Variants in CMIP observed in about 807,000 individuals in gnomAD.
The protein encoded by CMIP is c-Maf inducing protein.
In CMIP, 13 loss-of-function variants were observed where a neutral mutation model predicts 97.3. The observed-to-expected ratio is 0.13, with a 90% CI of 0.09 to 0.21. The LOEUF (loss-of-function observed/expected upper bound fraction) is 0.21. CMIP is among the 10% of genes least tolerant of loss of function. CMIP has a pLI of 1.00. For synonymous variants in CMIP, 538 were observed against 436.3 expected, an observed-to-expected ratio of 1.23 and a Z score of -2.91; for missense variants, 847 against 1,024.9, an observed-to-expected ratio of 0.83 and a Z score of 2.37.
At chr16:81,629,555 T>G (rs2092125617) in intron 3 of CMIP, among the ~76,000 whole-genome samples, 1 of 152,152 alleles carries the variant, frequency 6.6e-6, no homozygotes, top group Non-Finnish European at 1.5e-5. Context: ...CCTTCCTCCC[T>G]CTCTGTCTCC....
chr16:81,674,172 C>T (rs886609378), intron 9 of CMIP, among the ~76,000 whole-genome samples: 2 of 152,242 alleles, frequency 1.3e-5, no homozygotes, highest in African/African-American at 4.8e-5. Context: ...GAAGGAAGTG[C>T]AGGGACTCCA....
At chr16:81,473,264 G>T (rs763193327) in intron 1 of CMIP, among the ~76,000 whole-genome samples, 4 of 152,180 alleles carry the variant, frequency 2.6e-5, no homozygotes, top group Admixed American at 1.3e-4. Context: ...CGTGTTTGCC[G>T]TGGGGGGCAT....
At chr16:81,633,681 G>A (rs1055582124) in intron 3 of CMIP, among the ~76,000 whole-genome samples, 4 of 152,228 alleles carry the variant, frequency 2.6e-5, no homozygotes, top group Non-Finnish European at 5.9e-5. Flanking sequence ...CCCTTTCAGA[G>A]AAACTGAGGC....
intron 1 of CMIP, among the ~76,000 whole-genome samples, chr16:81,463,740 C>G (rs1360094945): frequency 6.6e-6 from 1 of 152,240 alleles, no homozygotes; most frequent in Non-Finnish European, 1.5e-5. Context: ...CCCTTGGCCT[C>G]CAGGGTCACA....
chr16:81,524,879 C>T (rs1207617643), intron 1 of CMIP, among the ~76,000 whole-genome samples: 2 of 151,712 alleles, frequency 1.3e-5, no homozygotes, highest in South Asian at 2.1e-4. Flanking sequence ...CTGCAACCTC[C>T]ACCTCCCAGG....
In CMIP at chr16:81,621,133, C is replaced by A; in HGVS notation, c.477+207C>A. ...TCCCCTGCAGTGCTGAAATAGCATTCTCGCCCTGGTGTTCTCAAACCCTAT... is the reference window on the plus strand; with the variant it reads ...TCCCCTGCAGTGCTGAAATAGCATTATCGCCCTGGTGTTCTCAAACCCTAT... On this transcript the variant is annotated intron_variant, in intron 3 of 20. Coordinates refer to ENST00000537098, the MANE Select transcript of CMIP (RefSeq NM_198390.3). This position sits in a 1 kb window ranked among gnomAD's most constrained non-coding sequence, Gnocchi z 4.1. 1.8e-6 allele frequency: 1 copy of A among 557,042 alleles called. No homozygotes were observed. The highest frequency in any genetic ancestry group is 3.2e-6 in the Non-Finnish European group (1 of 310,986). 34.5% of individuals were successfully genotyped at this position (557,042 alleles called of 1,614,324 possible).
intron 10 of CMIP, among the ~76,000 whole-genome samples, chr16:81,689,648 C>T (rs1319430410): frequency 6.6e-6 from 1 of 152,156 alleles, no homozygotes; most frequent in Non-Finnish European, 1.5e-5. Context: ...TGCAGAAGCT[C>T]TTTAGTTTAA....
intron 3 of CMIP, among the ~76,000 whole-genome samples, chr16:81,636,503 C>T (rs1358619516): frequency 1.3e-5 from 2 of 151,462 alleles, no homozygotes; most frequent in East Asian, 1.9e-4. Context: ...ATCGCTTGAA[C>T]CCAGGGGGCA....
intron 10 of CMIP, among the ~76,000 whole-genome samples, chr16:81,689,628 T>G (rs1169695042): frequency 6.6e-6 from 1 of 152,260 alleles, no homozygotes; most frequent in African/African-American, 2.4e-5. Flanking sequence ...GATGGTGGTT[T>G]CTTTTGCTGT....
Position 81,469,557 on chromosome 16 carries a change from G to A in CMIP, c.300+24016G>A, listed in dbSNP as rs934285584. 5.3e-5 allele frequency among the ~76,000 whole-genome samples: 8 copies of A among 152,264 alleles called. No individual in the cohort carries two copies. In the East Asian group the frequency reaches 1.4e-3, roughly 26 times the overall value. On this transcript the variant is annotated intron_variant, in intron 1 of 20. Transcript: ENST00000537098. ...TACTGTTACCAAGATTACAGAGGAG[G>A]GGACCTGACTACACCCAAGGTCTGA...
intron 1 of CMIP, among the ~76,000 whole-genome samples, chr16:81,513,442 TACC>T (rs1333501144): frequency 6.6e-6 from 1 of 152,198 alleles, no homozygotes; most frequent in Non-Finnish European, 1.5e-5. Flanking sequence ...TGATCTGCCA[TACC>T]ACCTGGCTGG....
chr16:81,701,523 C>A (rs1316626990), intron 15 of CMIP, 137 bp from the exon 16 acceptor site: 4 of 1,218,612 alleles, frequency 3.3e-6, no homozygotes, highest in African/African-American at 3.0e-5. Context: ...GTGATTTGCC[C>A]AGGCTTACAC....
intron 8 of CMIP, among the ~76,000 whole-genome samples, chr16:81,671,703 AG>A (rs2092684674): frequency 6.6e-6 from 1 of 152,160 alleles, no homozygotes; most frequent in African/African-American, 2.4e-5. Flanking sequence ...GAGGTTTCCA[AG>A]GCCACTCAGG....
rs1412707569 is a variant in CMIP, at chr16:81,621,109, C to A, written c.477+183C>A. The A allele has an allele frequency of 2.1e-5, 13 of 608,588 alleles. No individual in the cohort carries two copies. The East Asian group carries it at 3.8e-4, about 18-fold the overall frequency. The allele number at this position is 608,588 out of a possible 1,614,324, so 37.7% of individuals were successfully genotyped here. On this transcript the variant is annotated intron_variant, in intron 3 of 20. Transcript: ENST00000537098. The surrounding 1 kb of genome is among the most constrained non-coding windows in gnomAD (Gnocchi z 4.1). ...TCGTCCTCTGCTGTTCAATTCCTGT[C>A]CCCTGCAGTGCTGAAATAGCATTCT...
intron 1 of CMIP, among the ~76,000 whole-genome samples, chr16:81,457,914 AG>A (rs1156899194): frequency 2.0e-5 from 3 of 152,178 alleles, no homozygotes; most frequent in Non-Finnish European, 4.4e-5. Context: ...GGCGTTGGCA[AG>A]CTCCCCCCTA....
chr16:81,514,400 A>T (rs1032881865), intron 1 of CMIP, among the ~76,000 whole-genome samples: 1 of 152,204 alleles, frequency 6.6e-6, no homozygotes, highest in Admixed American at 6.5e-5. Flanking sequence ...GAACGAGGCT[A>T]ACTTGGGGTG....
At chr16:81,595,326 T>C (rs530807851) in intron 1 of CMIP, among the ~76,000 whole-genome samples, 4 of 152,254 alleles carry the variant, frequency 2.6e-5, no homozygotes, top group African/African-American at 9.6e-5. Flanking sequence ...ATTGGAATCA[T>C]ACAATGTGTG....
intron 3 of CMIP, among the ~76,000 whole-genome samples, chr16:81,640,624 G>A (rs1330532573): frequency 6.6e-6 from 1 of 152,150 alleles, no homozygotes; most frequent in East Asian, 1.9e-4. Context: ...TTGCTTCTGA[G>A]ACTCTAGGGG....
intron 1 of CMIP, among the ~76,000 whole-genome samples, chr16:81,555,688 G>T (rs1379440302): frequency 6.6e-6 from 1 of 152,204 alleles, no homozygotes; most frequent in East Asian, 1.9e-4. Context: ...GTCCCCACCA[G>T]GGTATACTGT....
Sources: gnomAD v4.1 joint callset for allele counts (sites outside exome capture counted in the v4.1 genomes callset) on GRCh38, gnomAD v4.1.1 for gene constraint, Gnocchi (gnomAD v3.1) non-coding constraint, MANE v1.5 for transcripts, NCBI Gene and HGNC (gene_info 2026-07-23, HGNC 2026-07-21) for gene names.